The following PIP4K2A variants were observed in gnomAD, a reference collection of about 807,000 sequenced individuals.
PIP4K2A encodes phosphatidylinositol 5-phosphate 4-kinase type-2 alpha.
In PIP4K2A, 14 loss-of-function variants were observed where a neutral mutation model predicts 42.9. That is an observed-to-expected ratio of 0.33 (90% confidence interval 0.22 to 0.51). PIP4K2A has a LOEUF of 0.51. PIP4K2A is among the 20% of genes least tolerant of loss of function. The probability of loss-of-function intolerance (pLI) is 0.97; values close to 1 mark genes in which losing one functional copy is unlikely to be tolerated. For synonymous variants in PIP4K2A, 192 were observed against 192.2 expected (o/e 1.00, Z 0.01); for missense variants, 434 against 519.8 (o/e 0.83, Z 1.61).
At chr10:22,608,386 C>T (rs1313099449) in intron 2 of PIP4K2A, among the ~76,000 whole-genome samples, 13 of 152,172 alleles carry the variant, frequency 8.5e-5, no homozygotes. Context: ...GGCAGCGGAG[C>T]AAGGTTCCCT....
chr10:22,536,878 T>C lies in PIP4K2A; in HGVS notation c.*323A>G, dbSNP rs766984800. The stretch of plus-strand genomic sequence containing the variant: ...GCCATAGCTGGAATCAAAGGGTCTT[T>C]GTTGGGACACATACTGACCGAAGTG... On this transcript the variant is annotated 3_prime_UTR_variant, in exon 10 of 10. Coordinates refer to ENST00000376573, the MANE Select transcript of PIP4K2A (RefSeq NM_005028.5). 1 of 219,744 alleles carries C rather than the reference T, an allele frequency of 4.6e-6. No homozygotes were observed. The highest frequency in any genetic ancestry group is 8.9e-6 in the Non-Finnish European group (1 of 111,776). 13.6% of individuals were successfully genotyped at this position (219,744 alleles called of 1,614,324 possible).
chr10:22,566,483 C>A (rs1236037325), intron 6 of PIP4K2A, among the ~76,000 whole-genome samples: 1 of 152,136 alleles, frequency 6.6e-6, no homozygotes, highest in African/African-American at 2.4e-5. Flanking sequence ...ACGCACACTC[C>A]CTGGCACCTC....
chr10:22,591,558 C>T, intron 4 of PIP4K2A, 71 bp downstream of exon 4: 1 of 1,170,758 alleles, frequency 8.5e-7, no homozygotes, highest in South Asian at 1.5e-5. Context: ...ATTTAAATCT[C>T]TGGCCTTGGT....
chr10:22,552,019 T>G (rs970221401), intron 6 of PIP4K2A, among the ~76,000 whole-genome samples: 5 of 152,220 alleles, frequency 3.3e-5, no homozygotes, highest in African/African-American at 1.2e-4. Flanking sequence ...GCTACTAACT[T>G]TGAGAAAATT....
At chr10:22,593,983 T>C (rs570485148) in intron 3 of PIP4K2A, among the ~76,000 whole-genome samples, 3 of 152,326 alleles carry the variant, frequency 2.0e-5, no homozygotes, top group South Asian at 2.1e-4. Flanking sequence ...CATGGGCCAA[T>C]AGGGTGAATC....
At chr10:22,641,018 T>C (rs1838773856) in intron 1 of PIP4K2A, among the ~76,000 whole-genome samples, 1 of 152,244 alleles carries the variant, frequency 6.6e-6, no homozygotes, top group African/African-American at 2.4e-5. Context: ...CCAATTACAT[T>C]ATCAAGCCTT....
chr10:22,554,620 G>C (rs1381279120), intron 6 of PIP4K2A, among the ~76,000 whole-genome samples: 1 of 152,256 alleles, frequency 6.6e-6, no homozygotes, highest in African/African-American at 2.4e-5. Context: ...TCCGAGGCCG[G>C]CTTCCAGCCA....
At position 22,641,508 on chromosome 10, in the gene PIP4K2A, C is replaced by G. The variant is rs1351797518; in HGVS notation, c.145-31791G>C. On this transcript the variant is annotated intron_variant, in intron 1 of 9. Transcript: ENST00000376573. Reference sequence around the variant, plus strand: ...CCAGGCTGGAGTGCAGTGGCACAATCATAGCTCACTGCAGCCTTGAACTCA... The same window carrying G: ...CCAGGCTGGAGTGCAGTGGCACAATGATAGCTCACTGCAGCCTTGAACTCA... 3.3e-5 allele frequency among the ~76,000 whole-genome samples: 5 copies of G among 151,974 alleles called. No homozygotes were observed. The East Asian group carries it at 9.6e-4, about 29-fold the overall frequency.
chr10:22,582,326 T>A (rs1837298670), intron 4 of PIP4K2A, among the ~76,000 whole-genome samples: 1 of 151,962 alleles, frequency 6.6e-6, no homozygotes, highest in Admixed American at 6.6e-5. Flanking sequence ...CCGAGAATAA[T>A]AAGGGTTATG....
At chr10:22,620,707 C>T (rs552984931) in intron 1 of PIP4K2A, among the ~76,000 whole-genome samples, 1 of 152,334 alleles carries the variant, frequency 6.6e-6, no homozygotes, top group South Asian at 2.1e-4. Flanking sequence ...TGTGGGGATA[C>T]ACCCTCCAGC....
chr10:22,587,857 G>A (rs1045511837), intron 4 of PIP4K2A, among the ~76,000 whole-genome samples: 6 of 152,180 alleles, frequency 3.9e-5, no homozygotes, highest in African/African-American at 7.2e-5. Context: ...TAATTGCTGC[G>A]GGTGTGATGT....
chr10:22,628,672 C>A (rs1340511933), intron 1 of PIP4K2A, among the ~76,000 whole-genome samples: 1 of 152,128 alleles, frequency 6.6e-6, no homozygotes, highest in Non-Finnish European at 1.5e-5. Context: ...GGAAGGCAGG[C>A]CTTCCAGGTC....
At chr10:22,683,738 C>T (rs1839707811) in intron 1 of PIP4K2A, among the ~76,000 whole-genome samples, 1 of 151,890 alleles carries the variant, frequency 6.6e-6, no homozygotes, top group African/African-American at 2.4e-5. Flanking sequence ...TGCAGCGTCC[C>T]TCCTGACTGT....
At chr10:22,579,128 CG>C (rs2130803895) in intron 4 of PIP4K2A, among the ~76,000 whole-genome samples, 1 of 152,036 alleles carries the variant, frequency 6.6e-6, no homozygotes, top group South Asian at 2.1e-4. Context: ...CACAAAATAA[CG>C]GTTTAAGGAT....
chr10:22,600,794 A>C (rs1472075039), intron 3 of PIP4K2A, among the ~76,000 whole-genome samples: 1 of 152,110 alleles, frequency 6.6e-6, no homozygotes, highest in Non-Finnish European at 1.5e-5. Context: ...TGGAACTTGA[A>C]CATCATCATC....
intron 1 of PIP4K2A, among the ~76,000 whole-genome samples, chr10:22,673,095 C>G (rs1839486996): frequency 1.3e-5 from 2 of 152,158 alleles, no homozygotes; most frequent in African/African-American, 4.8e-5. Context: ...ATTTGATAAC[C>G]TCTAGCCAGA....
At chr10:22,575,150 A>T (rs1467627221) in intron 4 of PIP4K2A, among the ~76,000 whole-genome samples, 1 of 152,192 alleles carries the variant, frequency 6.6e-6, no homozygotes, top group Non-Finnish European at 1.5e-5. Flanking sequence ...AGTATGTCAA[A>T]ATACTTCACA....
At chr10:22,560,592 T>C (rs1836665540) in intron 6 of PIP4K2A, among the ~76,000 whole-genome samples, 1 of 152,220 alleles carries the variant, frequency 6.6e-6, no homozygotes, top group South Asian at 2.1e-4. Flanking sequence ...AAGGCGGCTT[T>C]TTGTAGCCCA....
chr10:22,569,633 C>G (rs1054995222), intron 5 of PIP4K2A, among the ~76,000 whole-genome samples: 16 of 151,964 alleles, frequency 1.1e-4, no homozygotes, highest in African/African-American at 3.9e-4. Flanking sequence ...AATTCTTAAC[C>G]AAGTTCTTGG....
Sources: gnomAD v4.1 joint callset for allele counts (sites outside exome capture counted in the v4.1 genomes callset) on GRCh38, gnomAD v4.1.1 for gene constraint, MANE v1.5 for transcripts, NCBI Gene and HGNC (gene_info 2026-07-23, HGNC 2026-07-21) for gene names.